The following NEDD9 variants were observed in gnomAD, a reference collection of about 807,000 sequenced individuals.
NEDD9 encodes neural precursor cell expressed, developmentally down-regulated 9.
Under a neutral mutation model 76.6 loss-of-function variants are expected in NEDD9, and 26 were observed. The observed-to-expected ratio is 0.34, with a 90% CI of 0.25 to 0.47. The LOEUF (loss-of-function observed/expected upper bound fraction) is 0.47, where lower values mean the gene tolerates loss of function less well. NEDD9 is among the 20% of genes least tolerant of loss of function. The pLI is 1.00. For missense variants in NEDD9, 937 were observed against 1,058.5 expected, an observed-to-expected ratio of 0.89 and a Z score of 1.59; for synonymous variants, 392 against 414.2, an observed-to-expected ratio of 0.95 and a Z score of 0.65.
chr6:11,353,449 C>T (rs1298500223), intron 1 of NEDD9, among the ~76,000 whole-genome samples: 2 of 152,172 alleles, frequency 1.3e-5, no homozygotes, highest in Admixed American at 1.3e-4. Context: ...CTGCCACAAG[C>T]CCAGGAATGC....
intron 1 of NEDD9, among the ~76,000 whole-genome samples, chr6:11,215,523 T>C (rs566045768): frequency 3.2e-4 from 49 of 152,310 alleles, no homozygotes; most frequent in African/African-American, 1.1e-3. Context: ...CTGTTTCTCT[T>C]CTCCCATCTT....
intron 3 of NEDD9, among the ~76,000 whole-genome samples, chr6:11,253,504 G>A (rs771262231): frequency 6.6e-6 from 1 of 152,104 alleles, no homozygotes; most frequent in Non-Finnish European, 1.5e-5. Context: ...CCGTGCCCCA[G>A]GACAAACTCA....
intron 3 of NEDD9, among the ~76,000 whole-genome samples, chr6:11,249,591 G>A (rs1759874338): frequency 1.3e-5 from 2 of 152,158 alleles, no homozygotes; most frequent in African/African-American, 4.8e-5. Flanking sequence ...ATGCTGGGAG[G>A]TGTAGTCTCT....
chr6:11,314,680 G>T (rs1339547376), intron 2 of NEDD9, among the ~76,000 whole-genome samples: 1 of 152,032 alleles, frequency 6.6e-6, no homozygotes, highest in Non-Finnish European at 1.5e-5. Flanking sequence ...ATCTGACCCA[G>T]GTTTTCCAAA....
At chr6:11,232,697 GAT>G (rs1759520945), upstream of NEDD9, 1 of 1,450,812 alleles carries the variant, frequency 6.9e-7, no homozygotes, top group Non-Finnish European at 9.1e-7. Context: ...GAGGCAGGCT[GAT>G]CGCGGACCTC....
chr6:11,351,081 G>T (rs993553525), intron 1 of NEDD9, among the ~76,000 whole-genome samples: 1 of 152,138 alleles, frequency 6.6e-6, no homozygotes, highest in South Asian at 2.1e-4. Context: ...TTCTTAAAGG[G>T]AGAAAAGAAG....
intron 1 of NEDD9, among the ~76,000 whole-genome samples, chr6:11,229,385 C>T (rs972052629): frequency 4.6e-5 from 7 of 151,756 alleles, no homozygotes; most frequent in African/African-American, 1.7e-4. Context: ...CCGGGCTGGG[C>T]CTGAGGTGGG....
chr6:11,195,700 A>T (rs1758275321), intron 2 of NEDD9, among the ~76,000 whole-genome samples: 1 of 152,220 alleles, frequency 6.6e-6, no homozygotes, highest in African/African-American at 2.4e-5. Flanking sequence ...CGTTTAAAAA[A>T]CAGAAGCGGG....
Position 11,213,233 on chromosome 6 carries a change from G to A in NEDD9, c.459+48C>T, listed in dbSNP as rs1448797117. 2.0e-6 allele frequency: 3 copies of A among 1,514,192 alleles called. No homozygotes were observed. Among genetic ancestry groups the A allele is most frequent in the South Asian group, 1.3e-5 (1 of 77,198 alleles). 93.8% of individuals were successfully genotyped at this position (1,514,192 alleles called of 1,614,324 possible). A position where few individuals can be genotyped will look rare whatever the true frequency, so the allele number is the denominator to read the frequency against. On this transcript the variant is annotated intron_variant, in intron 2 of 6. Transcript: ENST00000379446. The surrounding 1 kb of genome is among the most constrained non-coding windows in gnomAD (Gnocchi z 5.4). ...ATTTCCAAATGCTCCAAGTGTAATGGGAAAAAAAAATAAGTAGGAACAAAA... is the reference window on the plus strand; with the variant it reads ...ATTTCCAAATGCTCCAAGTGTAATGAGAAAAAAAAATAAGTAGGAACAAAA...
chr6:11,240,042 C>CAAAA (rs144360623), intron 3 of NEDD9, among the ~76,000 whole-genome samples: 1 of 92,032 alleles, frequency 1.1e-5, no homozygotes, highest in Non-Finnish European at 2.3e-5. Flanking sequence ...GACTTCATCT[C>CAAAA]AAAAAAAAAA....
chr6:11,261,703 C>T (rs148865325), intron 3 of NEDD9, among the ~76,000 whole-genome samples: 29 of 152,264 alleles, frequency 1.9e-4, no homozygotes, highest in East Asian at 9.6e-4. Flanking sequence ...TATATGGATG[C>T]GGATCATGGA....
chr6:11,268,142 T>C (rs964244426), intron 3 of NEDD9, among the ~76,000 whole-genome samples: 3 of 152,070 alleles, frequency 2.0e-5, no homozygotes, highest in Admixed American at 2.0e-4. Context: ...CGATTCTCCC[T>C]CCTTACTCTC....
chr6:11,185,964 G>A (rs574735204), intron 6 of NEDD9, among the ~76,000 whole-genome samples: 38 of 152,300 alleles, frequency 2.5e-4, no homozygotes, highest in Admixed American at 8.5e-4. Context: ...ACACCTTTAT[G>A]GAGGTTAAAT....
At chr6:11,317,198 C>T (rs913597040) in intron 2 of NEDD9, among the ~76,000 whole-genome samples, 8 of 151,958 alleles carry the variant, frequency 5.3e-5, no homozygotes, top group Non-Finnish European at 7.4e-5. Context: ...TCTGAGAGGC[C>T]GAGGCGGGCA....
At position 11,286,640 on chromosome 6, in the gene NEDD9, A is replaced by G. The variant is rs1254672269; in HGVS notation, c.12+19352T>C. Among the ~76,000 whole-genome samples the G allele has an allele frequency of 2.0e-5, 3 of 152,400 alleles. No individual in the cohort carries two copies. In the South Asian group the frequency reaches 6.2e-4, roughly 32 times the overall value. ...TGAAGAATAACACTCAGCCATAATG[A>G]AAATAAATGAACTATTGATACATAT... is the stretch of plus-strand genomic sequence containing the variant. On this transcript the variant is annotated intron_variant, in intron 3 of 3. Coordinates refer to the NEDD9 transcript ENST00000397378.
At chr6:11,192,598 T>G in intron 3 of NEDD9, 152 bp from the exon 4 acceptor site, 7 of 576,408 alleles carry the variant, frequency 1.2e-5, no homozygotes, top group Non-Finnish European at 1.8e-5. Flanking sequence ...TTTATTGCCT[T>G]TTTTTTTAAT....
chr6:11,360,300 A>G (rs927156954), intron 1 of NEDD9, among the ~76,000 whole-genome samples: 1 of 152,196 alleles, frequency 6.6e-6, no homozygotes, highest in African/African-American at 2.4e-5. Flanking sequence ...AGAACTCCCA[A>G]AGGAGAGCAT....
At chr6:11,274,841 A>G (rs1299291565) in intron 3 of NEDD9, among the ~76,000 whole-genome samples, 4 of 152,180 alleles carry the variant, frequency 2.6e-5, no homozygotes, top group African/African-American at 4.8e-5. Flanking sequence ...GGACTACCAT[A>G]TGACCCAGCA....
upstream of NEDD9, among the ~76,000 whole-genome samples, chr6:11,236,998 T>C (rs1287570476): frequency 1.3e-5 from 2 of 152,178 alleles, no homozygotes; most frequent in Admixed American, 6.5e-5. The surrounding 1 kb of genome is among the most constrained non-coding windows in gnomAD (Gnocchi z 5.5). Context: ...TGCACCTTCC[T>C]GACTTGCACA....
Sources: allele counts gnomAD v4.1 joint callset (sites outside exome capture counted in the v4.1 genomes callset), GRCh38; gene constraint gnomAD v4.1.1; non-coding constraint Gnocchi (gnomAD v3.1); transcripts MANE v1.5; gene names NCBI Gene and HGNC (gene_info 2026-07-23, HGNC 2026-07-21).